The following SDK1 variants were observed in gnomAD, a reference collection of about 807,000 sequenced individuals.
SDK1 encodes the protein sidekick cell adhesion molecule 1, also known as protein sidekick-1.
In SDK1, 157 loss-of-function variants were observed where a neutral mutation model predicts 245.5. The ratio of observed to expected loss-of-function variants is 0.64; its 90% CI spans 0.56 to 0.73. The LOEUF (loss-of-function observed/expected upper bound fraction) is 0.73, where lower values mean the gene tolerates loss of function less well. Among genes scored for constraint, SDK1 ranks in the 30% least tolerant of loss-of-function variants. The probability of loss-of-function intolerance (pLI) is 0.00; values close to 1 mark genes in which losing one functional copy is unlikely to be tolerated. For missense variants in SDK1, 3,583 were observed against 3,002.3 expected (o/e 1.19, Z -4.52); for synonymous variants, 1,647 against 1,278.5 (o/e 1.29, Z -6.15).
At chr7:4,116,457 G>A (rs1049025131) in intron 25 of SDK1, among the ~76,000 whole-genome samples, 3 of 152,166 alleles carry the variant, frequency 2.0e-5, no homozygotes, top group African/African-American at 4.8e-5. Context: ...AGCGTGGAAG[G>A]GCCTGGGAAG....
At chr7:3,942,301 C>T (rs146031487) in intron 5 of SDK1, among the ~76,000 whole-genome samples, 2 of 152,304 alleles carry the variant, frequency 1.3e-5, no homozygotes, top group African/African-American at 4.8e-5. Flanking sequence ...TGCGTCCCTC[C>T]TTATTTCACA....
chr7:3,732,445 C>T (rs1779207656), intron 4 of SDK1, among the ~76,000 whole-genome samples: 1 of 152,208 alleles, frequency 6.6e-6, no homozygotes, highest in South Asian at 2.1e-4. Flanking sequence ...CCATTAATTT[C>T]TGCTTTGTCC....
intron 1 of SDK1, among the ~76,000 whole-genome samples, chr7:3,425,452 A>G (rs1779649210): frequency 6.6e-6 from 1 of 152,194 alleles, no homozygotes; most frequent in African/African-American, 2.4e-5. Flanking sequence ...TTTGGCATAA[A>G]CTGAATAACT....
At chr7:3,545,698 G>T (rs368822539) in intron 1 of SDK1, among the ~76,000 whole-genome samples, 1 of 152,206 alleles carries the variant, frequency 6.6e-6, no homozygotes, top group African/African-American at 2.4e-5. Context: ...TACCAGGCCA[G>T]AGCTGGGCAC....
At chr7:4,017,381 G>A (rs1481106524) in intron 17 of SDK1, 29 bp downstream of exon 17, 3 of 1,578,588 alleles carry the variant, frequency 1.9e-6, no homozygotes, top group Non-Finnish European at 2.6e-6. Flanking sequence ...CCACGAGGTG[G>A]CGGGATCTTT....
chr7:4,075,187 G>A lies in SDK1; in HGVS notation c.3011-1811G>A, dbSNP rs568970823. 4.5e-4 allele frequency among the ~76,000 whole-genome samples: 68 copies of A among 152,122 alleles called. No individual in the cohort carries two copies. The South Asian group carries it at 7.5e-3, about 17-fold the overall frequency. On this transcript the variant is annotated intron_variant, in intron 20 of 44. Coordinates refer to ENST00000404826, the MANE Select transcript of SDK1 (RefSeq NM_152744.4). ...GCTCCAAGTGCTCTGGAGGCACCCAGCAGCCAGGCCTCCCCTCTGGTGGCC... is the reference window on the plus strand; with the variant it reads ...GCTCCAAGTGCTCTGGAGGCACCCAACAGCCAGGCCTCCCCTCTGGTGGCC...
chr7:4,068,468 C>A (rs10270792), intron 20 of SDK1, among the ~76,000 whole-genome samples: 11,169 of 152,114 alleles, frequency 0.073, 990 homozygotes, highest in African/African-American at 0.21. Flanking sequence ...GCCCTCGTCC[C>A]ACAGCTGTGA....
intron 1 of SDK1, among the ~76,000 whole-genome samples, chr7:3,428,767 G>T (rs1432729514): frequency 6.6e-6 from 1 of 151,716 alleles, no homozygotes. Flanking sequence ...TGAATCAAGA[G>T]TCCCCAGCCT....
chr7:4,265,112 C>A lies in SDK1; in HGVS notation c.6382-12C>A. On this transcript the variant is annotated splice_polypyrimidine_tract_variant and intron_variant, in intron 44 of 44. Coordinates refer to ENST00000404826, the MANE Select transcript of SDK1 (RefSeq NM_152744.4). Reference sequence around the variant, plus strand: ...TGCCCTGCACTCACACCTTCTCTCCCGCTCCCCGCAGGCCACGGACTCTGA... The same window carrying A: ...TGCCCTGCACTCACACCTTCTCTCCAGCTCCCCGCAGGCCACGGACTCTGA... The A allele has an allele frequency of 6.2e-7, 1 of 1,608,424 alleles. No individual in the cohort carries two copies. Among genetic ancestry groups the A allele is most frequent in the East Asian group, 2.2e-5 (1 of 44,734 alleles).
chr7:3,534,360 A>C lies in SDK1; in HGVS notation c.299-84720A>C, dbSNP rs148886258. Among the ~76,000 whole-genome samples, 391 of 152,282 alleles carry C rather than the reference A, an allele frequency of 2.6e-3. 2 individuals are homozygous for C. The highest frequency in any genetic ancestry group is 9.0e-3 in the African/African-American group (372 of 41,558). On this transcript the variant is annotated intron_variant, in intron 1 of 44. Coordinates refer to ENST00000404826, the MANE Select transcript of SDK1 (RefSeq NM_152744.4). ...AATGCTGCAGTGAACATGGGAGTACAGATGTCTCTTTGACTTCTCAGTTCC... is the reference window on the plus strand; with the variant it reads ...AATGCTGCAGTGAACATGGGAGTACCGATGTCTCTTTGACTTCTCAGTTCC...
At chr7:4,127,323 C>A (rs1244133213) in intron 25 of SDK1, 58 bp from the exon 26 acceptor site, 4 of 1,287,020 alleles carry the variant, frequency 3.1e-6, no homozygotes, top group Non-Finnish European at 4.5e-6. Context: ...AAAGCTGGAT[C>A]TTTGTATGTA....
At position 3,384,256 on chromosome 7, in the gene SDK1, G is replaced by C. The variant is rs190885325; in HGVS notation, c.298+82372G>C. ...CAGTATTTTTTATGTATACTTTTTA[G>C]TGCTTTATAGTTATTAGCAGGTTCC... On this transcript the variant is annotated intron_variant, in intron 1 of 44. Transcript: ENST00000404826. Among the ~76,000 whole-genome samples the C allele has an allele frequency of 7.8e-4, 119 of 151,864 alleles. 1 individual carries two copies. Among genetic ancestry groups the C allele is most frequent in the African/African-American group, 2.9e-3 (119 of 41,418 alleles).
At chr7:3,425,647 A>T (rs1779656232) in intron 1 of SDK1, among the ~76,000 whole-genome samples, 1 of 152,214 alleles carries the variant, frequency 6.6e-6, no homozygotes, top group African/African-American at 2.4e-5. Flanking sequence ...TAGGCAGGAG[A>T]AGGAAAATGA....
intron 40 of SDK1, 51 bp downstream of exon 40, chr7:4,221,415 C>G: frequency 1.3e-6 from 2 of 1,543,390 alleles, no homozygotes; most frequent in Non-Finnish European, 1.7e-6. Context: ...GACGGCAGTG[C>G]TTCTAAGACT....
intron 1 of SDK1, among the ~76,000 whole-genome samples, chr7:3,519,537 T>TTTAAAGCATTTGACATACATGTAC (rs1251747610): frequency 6.6e-6 from 1 of 151,984 alleles, no homozygotes; most frequent in Non-Finnish European, 1.5e-5. Context: ...TTGGGCATGA[T>TTTAAAGCATTTGACATACATGTAC]TTAAAGCATT....
intron 1 of SDK1, among the ~76,000 whole-genome samples, chr7:3,370,576 G>C (rs1781202550): frequency 6.6e-6 from 1 of 152,178 alleles, no homozygotes; most frequent in Admixed American, 6.5e-5. Context: ...ACTTGGGCCC[G>C]ATATACCGCT....
chr7:3,550,437 T>C lies in SDK1; in HGVS notation c.299-68643T>C, dbSNP rs73296252. Among the ~76,000 whole-genome samples the C allele has an allele frequency of 5.7e-3, 871 of 152,324 alleles. 5 individuals carry two copies. Among genetic ancestry groups the C allele is most frequent in the South Asian group, 0.018 (86 of 4,826 alleles). The stretch of plus-strand genomic sequence containing the variant: ...GACAAGTTCAAAGCAGTCCTGACGC[T>C]CACTTGACTAAGGCATGTGCCTCAT... On this transcript the variant is annotated intron_variant, in intron 1 of 44. Coordinates refer to ENST00000404826, the MANE Select transcript of SDK1 (RefSeq NM_152744.4).
intron 1 of SDK1, among the ~76,000 whole-genome samples, chr7:3,331,931 T>G (rs1780079192): frequency 6.6e-6 from 1 of 152,216 alleles, no homozygotes; most frequent in Non-Finnish European, 1.5e-5. Context: ...CATTTTATGG[T>G]AAACATTAGT....
rs141036150 is a variant in SDK1 at position 4,135,520 on chromosome 7, T to C, written c.4228+3097T>C. On this transcript the variant is annotated intron_variant, in intron 28 of 44. Coordinates refer to ENST00000404826, the MANE Select transcript of SDK1 (RefSeq NM_152744.4). ...CTGCACAAGTCAGATGGCACGAACC[T>C]TGGGGCTGCCTGCTTTTCCTTTCCC... Among the ~76,000 whole-genome samples the C allele has an allele frequency of 6.1e-3, 927 of 152,348 alleles. 12 individuals are homozygous for C. Among genetic ancestry groups the C allele is most frequent in the African/African-American group, 0.02 (840 of 41,582 alleles).
Sources: gnomAD v4.1 joint callset for allele counts (sites outside exome capture counted in the v4.1 genomes callset) on GRCh38, gnomAD v4.1.1 for gene constraint, MANE v1.5 for transcripts, NCBI Gene and HGNC (gene_info 2026-07-23, HGNC 2026-07-21) for gene names.